Variants in MIPOL1 observed in about 807,000 individuals in gnomAD.
MIPOL1 encodes mirror-image polydactyly gene 1 protein.
MIPOL1 carries 57 observed loss-of-function variants against 60.9 expected under a neutral mutation model. That is an observed-to-expected ratio of 0.94 (90% CI 0.76 to 1.17). MIPOL1 has a LOEUF of 1.17. Ranked by LOEUF, MIPOL1 falls within the 50% of genes most tolerant of loss-of-function variation. The probability of loss-of-function intolerance (pLI) is 0.00; values close to 1 mark genes in which losing one functional copy is unlikely to be tolerated. For synonymous variants in MIPOL1, 179 were observed against 168.8 expected (o/e 1.06, Z -0.47); for missense variants, 551 against 511.6 (o/e 1.08, Z -0.74).
At chr14:37,342,976 T>G (rs996398559) in intron 9 of MIPOL1, among the ~76,000 whole-genome samples, 1 of 149,844 alleles carries the variant, frequency 6.7e-6, no homozygotes, top group Non-Finnish European at 1.5e-5. Flanking sequence ...TAGGATTGTT[T>G]ATATGTAGTT....
rs1214193540 is a variant in MIPOL1 at position 37,300,528 on chromosome 14, C to T, written c.624-7528C>T. 2.6e-4 allele frequency among the ~76,000 whole-genome samples: 4 copies of T among 15,624 alleles called. 2 individuals are homozygous for T. Among genetic ancestry groups the T allele is most frequent in the African/African-American group, 3.2e-4 (4 of 12,374 alleles). 10.2% of individuals were successfully genotyped at this position (15,624 alleles called of 152,430 possible). On this transcript the variant is annotated intron_variant, in intron 7 of 12. Transcript: ENST00000684589. ...TTATTTATTTGTTTTTGTTTTGAGA[C>T]GGGGTCTTGCTCTATTGTCCTGGCT...
At chr14:37,304,606 A>G (rs962156428) in intron 7 of MIPOL1, among the ~76,000 whole-genome samples, 1 of 151,764 alleles carries the variant, frequency 6.6e-6, no homozygotes, top group Non-Finnish European at 1.5e-5. Context: ...AAAATGTGAA[A>G]TTTGTTTATC....
intron 12 of MIPOL1, among the ~76,000 whole-genome samples, chr14:37,532,712 T>C (rs2095486951): frequency 6.6e-6 from 1 of 152,216 alleles, no homozygotes; most frequent in African/African-American, 2.4e-5. Flanking sequence ...ATGCAGTAGC[T>C]ACCTCTTTTG....
At chr14:37,280,178 A>G (rs1345955177) in intron 6 of MIPOL1, among the ~76,000 whole-genome samples, 1 of 151,980 alleles carries the variant, frequency 6.6e-6, no homozygotes, top group African/African-American at 2.4e-5. Context: ...TAAAGGCTGT[A>G]TTGTATTCCA....
At chr14:37,285,203 C>A in intron 6 of MIPOL1, 115 bp from the exon 7 acceptor site, 1 of 999,660 alleles carries the variant, frequency 1.0e-6, no homozygotes, top group Non-Finnish European at 1.5e-6. Flanking sequence ...GATATTAATT[C>A]AGTTTATTGA....
At chr14:37,400,649 G>T (rs1480321475) in intron 10 of MIPOL1, 1 of 151,848 alleles carries the variant, frequency 6.6e-6, no homozygotes, top group African/African-American at 2.4e-5. Context: ...TAGAGAAGAA[G>T]CAATGGAATG....
rs930717025 is a variant in MIPOL1, at chr14:37,490,390, C to T, written c.1032-9518C>T. Among the ~76,000 whole-genome samples the T allele has an allele frequency of 7.2e-5, 11 of 152,128 alleles. No homozygotes were observed. The South Asian group carries it at 8.3e-4, about 11-fold the overall frequency. On this transcript the variant is annotated intron_variant, in intron 11 of 12. Transcript: ENST00000684589. ...CAGTGGATCTTAACTTGCTGGGCTCCGTGGGGGTGTGACCTGCCAGCCAGA... is the reference window on the plus strand; with the variant it reads ...CAGTGGATCTTAACTTGCTGGGCTCTGTGGGGGTGTGACCTGCCAGCCAGA...
chr14:37,306,810 T>A (rs142236308), intron 7 of MIPOL1, among the ~76,000 whole-genome samples: 7 of 151,936 alleles, frequency 4.6e-5, no homozygotes, highest in African/African-American at 1.7e-4. Flanking sequence ...GCAGCATCTT[T>A]GAAAATTGTT....
intron 10 of MIPOL1, among the ~76,000 whole-genome samples, chr14:37,412,199 A>G (rs903061624): frequency 6.6e-6 from 1 of 152,150 alleles, no homozygotes; most frequent in Non-Finnish European, 1.5e-5. Flanking sequence ...GTGAAATACT[A>G]ATCTGTTTTA....
chr14:37,431,787 A>G (rs962932123), intron 11 of MIPOL1, among the ~76,000 whole-genome samples: 5 of 149,788 alleles, frequency 3.3e-5, no homozygotes, highest in African/African-American at 7.4e-5. Flanking sequence ...GGGTTTCACC[A>G]TGTTAGCCAG....
At chr14:37,275,304 A>G (rs1008681608) in intron 6 of MIPOL1, among the ~76,000 whole-genome samples, 4 of 151,214 alleles carry the variant, frequency 2.6e-5, no homozygotes, top group Non-Finnish European at 4.5e-5. Context: ...AATTGTATGA[A>G]TGACCTTCAA....
chr14:37,299,750 T>A (rs970493710), intron 7 of MIPOL1, among the ~76,000 whole-genome samples: 4 of 152,266 alleles, frequency 2.6e-5, no homozygotes, highest in Admixed American at 6.6e-5. Context: ...GAATTCAGTA[T>A]TGTTACATAA....
intron 10 of MIPOL1, among the ~76,000 whole-genome samples, chr14:37,384,586 A>G (rs1382484585): frequency 6.6e-6 from 1 of 152,004 alleles, no homozygotes; most frequent in Non-Finnish European, 1.5e-5. Context: ...GGATTGCACA[A>G]AGGAATTATT....
chr14:37,379,421 A>C (rs940615410), intron 10 of MIPOL1, among the ~76,000 whole-genome samples: 1 of 152,098 alleles, frequency 6.6e-6, no homozygotes, highest in Admixed American at 6.6e-5. Flanking sequence ...GCTTTCTTAG[A>C]TCGAAACCAA....
intron 11 of MIPOL1, among the ~76,000 whole-genome samples, chr14:37,491,744 A>G (rs999363312): frequency 2.0e-5 from 3 of 152,156 alleles, no homozygotes; most frequent in African/African-American, 7.2e-5. Context: ...GTATTAATTG[A>G]CTTACTTTAT....
chr14:37,308,129 A>T, intron 8 of MIPOL1, 40 bp downstream of exon 8: 1 of 1,584,422 alleles, frequency 6.3e-7, no homozygotes, highest in Middle Eastern at 1.7e-4. Flanking sequence ...TGTCAGTCTT[A>T]TATCTTAGAG....
intron 11 of MIPOL1, among the ~76,000 whole-genome samples, chr14:37,435,432 G>T (rs61990017): frequency 6.6e-5 from 10 of 151,598 alleles, no homozygotes; most frequent in Non-Finnish European, 1.5e-4. Context: ...CACTCTATTT[G>T]TTACCCTCCT....
At chr14:37,337,893 C>A (rs913212439) in intron 9 of MIPOL1, among the ~76,000 whole-genome samples, 1 of 151,472 alleles carries the variant, frequency 6.6e-6, no homozygotes, top group African/African-American at 2.4e-5. Context: ...TTGATAAAAT[C>A]CAATTTATTT....
chr14:37,437,648 G>A (rs951969159), intron 11 of MIPOL1, among the ~76,000 whole-genome samples: 4 of 152,152 alleles, frequency 2.6e-5, no homozygotes, highest in Admixed American at 2.6e-4. Flanking sequence ...GACAGATGGT[G>A]CAGGTTCTGC....
Sources: gnomAD v4.1 joint callset for allele counts (sites outside exome capture counted in the v4.1 genomes callset) on GRCh38, gnomAD v4.1.1 for gene constraint, MANE v1.5 for transcripts, NCBI Gene and HGNC (gene_info 2026-07-23, HGNC 2026-07-21) for gene names.